TLE2: variants seen among roughly 807,000 people sequenced by gnomAD.
The protein encoded by TLE2 is TLE family member 2, transcriptional corepressor, also known as transducin-like enhancer protein 2.
In TLE2, 74 loss-of-function variants were observed where a neutral mutation model predicts 97.2. That is an observed-to-expected ratio of 0.76 (90% CI 0.63 to 0.92). The LOEUF (loss-of-function observed/expected upper bound fraction) is 0.92, where lower values mean the gene tolerates loss of function less well. TLE2 is among the 40% of genes least tolerant of loss of function. The pLI, the probability that TLE2 is intolerant of heterozygous loss-of-function variation, is 0.00. For synonymous variants in TLE2, 499 were observed against 432.1 expected (o/e 1.15, Z -1.92); for missense variants, 1,038 against 1,008.7 (o/e 1.03, Z -0.39).
At chr19:3,042,019 GGCCCGGCCCA>G (rs1287013916) in intron 1 of TLE2, among the ~76,000 whole-genome samples, 1 of 151,842 alleles carries the variant, frequency 6.6e-6, no homozygotes, top group Non-Finnish European at 1.5e-5. Context: ...TAGCCACGCG[GGCCCGGCCCA>G]GCGTGTTCCC....
chr19:3,039,016 C>T lies in TLE2; in HGVS notation c.63+6710G>A, dbSNP rs988525126. Among the ~76,000 whole-genome samples the T allele has an allele frequency of 4.7e-5, 7 of 150,126 alleles. 1 individual carries two copies. Among genetic ancestry groups the T allele is most frequent in the Admixed American group, 4.6e-4 (7 of 15,088 alleles). On this transcript the variant is annotated intron_variant, in intron 1 of 18. Transcript: ENST00000426948. The stretch of plus-strand genomic sequence containing the variant: ...TGAGATCGCACCATTGCACTCCAGC[C>T]TGGGCAACAAGAGCAAAACCACGAC...
rs1447121315 is a variant in TLE2 at position 3,019,410 on chromosome 19, G to T, written c.423C>A (p.Arg141=). 1.3e-6 allele frequency: 2 copies of T among 1,539,048 alleles called. No homozygotes were observed. The highest frequency in any genetic ancestry group is 2.0e-5 in the Admixed American group (1 of 51,248). ...CACTGCCGCCCACCAGCCCGGCTGG[G>T]CGGGGGGTGAGGGGCACAGGGGGTG... ...HHAPPVPLTP[R]PAGLVGGSAT... The change falls in exon 7 of 20, where the codon CGC becomes CGA. Residue 141 remains arginine (R), a synonymous_variant. Coordinates refer to ENST00000262953, the MANE Select transcript of TLE2 (RefSeq NM_003260.5). This position sits in a 1 kb window ranked among gnomAD's most constrained non-coding sequence, Gnocchi z 5.1.
intron 5 of TLE2, chr19:3,020,124 T>G: frequency 4.2e-6 from 1 of 240,180 alleles, no homozygotes; most frequent in Non-Finnish European, 8.2e-6. Context: ...TAATCCCAGC[T>G]ACTCAGGAGG....
Position 2,997,823 on chromosome 19 carries a change from C to A in TLE2, c.*25G>T. On this transcript the variant is annotated 3_prime_UTR_variant, in exon 20 of 20. Coordinates refer to ENST00000262953, the MANE Select transcript of TLE2 (RefSeq NM_003260.5). Reference sequence around the variant, plus strand: ...CTGATTCCCCTGGGAGTCTGGACTTCGGGTACAGGAAGGGGGGTCATGTCT... The same window carrying A: ...CTGATTCCCCTGGGAGTCTGGACTTAGGGTACAGGAAGGGGGGTCATGTCT... The A allele has an allele frequency of 1.3e-6, 2 of 1,545,450 alleles. No individual in the cohort carries two copies. Among genetic ancestry groups the A allele is most frequent in the Non-Finnish European group, 1.8e-6 (2 of 1,129,584 alleles).
Position 3,037,575 on chromosome 19 carries a change from C to T in TLE2, c.63+8151G>A, listed in dbSNP as rs549122401. On this transcript the variant is annotated intron_variant, in intron 1 of 18. Transcript: ENST00000426948. ...TAGAAGGCCCCTGTGCCTACTTTCG[C>T]ATGGGTCCTGAAGTCACAGTGGGTT... Among the ~76,000 whole-genome samples, 16 of 152,280 alleles carry T rather than the reference C, an allele frequency of 1.1e-4. No individual in the cohort carries two copies. In the South Asian group the frequency reaches 3.1e-3, roughly 30 times the overall value.
intron 5 of TLE2, among the ~76,000 whole-genome samples, chr19:3,022,067 A>G (rs60002684): frequency 0.32 from 47,794 of 150,530 alleles, 8,417 homozygotes; most frequent in Non-Finnish European, 0.4. Context: ...ATACTTATTT[A>G]AGCCGGAGTC....
chr19:3,043,506 C>T (rs1263329031), intron 1 of TLE2, among the ~76,000 whole-genome samples: 1 of 151,054 alleles, frequency 6.6e-6, no homozygotes, highest in Admixed American at 6.7e-5. Context: ...TATCAGAAAA[C>T]ATCTACCTGG....
intron 1 of TLE2, among the ~76,000 whole-genome samples, chr19:3,034,876 TC>T (rs966958119): frequency 6.6e-5 from 10 of 151,978 alleles, no homozygotes; most frequent in Non-Finnish European, 1.5e-4. Context: ...ACACGTACCC[TC>T]CCAGGGTCAC....
chr19:3,000,414 G>C (rs2089330569), intron 19 of TLE2, among the ~76,000 whole-genome samples: 1 of 152,072 alleles, frequency 6.6e-6, no homozygotes, highest in Admixed American at 6.6e-5. Context: ...GCATGTTACT[G>C]CAACTAAATT....
chr19:3,035,936 C>A (rs990679482), intron 1 of TLE2, among the ~76,000 whole-genome samples: 2 of 152,170 alleles, frequency 1.3e-5, no homozygotes, highest in Non-Finnish European at 2.9e-5. Context: ...GCGAGTCACC[C>A]CCAAGCCTGG....
intron 5 of TLE2, among the ~76,000 whole-genome samples, chr19:3,022,071 C>T (rs1218291618): frequency 4.6e-5 from 7 of 151,344 alleles, no homozygotes; most frequent in South Asian, 2.1e-4. Context: ...TTATTTAAGC[C>T]GGAGTCTCAC....
In TLE2 at chr19:3,017,961, G is replaced by A. The variant is rs306030; in HGVS notation, c.551-102C>T. 0.016 allele frequency: 16,629 copies of A among 1,059,252 alleles called. 1,839 individuals are homozygous for A. The African/African-American group carries it at 0.25, about 16-fold the overall frequency. 65.6% of individuals were successfully genotyped at this position (1,059,252 alleles called of 1,614,324 possible). On this transcript the variant is annotated intron_variant, in intron 7 of 19. Coordinates refer to ENST00000262953, the MANE Select transcript of TLE2 (RefSeq NM_003260.5). ...AGCCCTCCAGTTTATAAAGCCCCCCGCCCCCACCACCCCACTCAGAGTCTC... is the reference window on the plus strand; with the variant it reads ...AGCCCTCCAGTTTATAAAGCCCCCCACCCCCACCACCCCACTCAGAGTCTC...
intron 8 of TLE2, among the ~76,000 whole-genome samples, chr19:3,016,879 C>T (rs71339157): frequency 0.057 from 8,411 of 148,766 alleles, 306 homozygotes; most frequent in South Asian, 0.093. Context: ...CCCGGGTTCA[C>T]GCCATTCTTC....
chr19:3,036,110 C>T (rs907337278), intron 1 of TLE2, among the ~76,000 whole-genome samples: 1 of 152,088 alleles, frequency 6.6e-6, no homozygotes, highest in African/African-American at 2.4e-5. Flanking sequence ...CTTACCCGAG[C>T]CTGGGGGCTC....
chr19:3,016,032 G>T, intron 8 of TLE2: 1 of 531,524 alleles, frequency 1.9e-6, no homozygotes, highest in Non-Finnish European at 3.6e-6. Context: ...CGCCTCCCGG[G>T]TTCAAGCGAT....
At chr19:3,047,286 G>T (rs1443034764), upstream of TLE2, among the ~76,000 whole-genome samples, 1 of 146,246 alleles carries the variant, frequency 6.8e-6, no homozygotes, top group Non-Finnish European at 1.5e-5. Context: ...GCCGCGGCGG[G>T]GAGGGGGCTC....
chr19:2,998,290 T>TG (rs2089269788), intron 19 of TLE2, among the ~76,000 whole-genome samples: 3 of 148,162 alleles, frequency 2.0e-5, no homozygotes, highest in African/African-American at 7.6e-5. Flanking sequence ...TTTTTTTTTT[T>TG]TTTGTGAGAC....
intron 5 of TLE2, among the ~76,000 whole-genome samples, chr19:3,021,094 A>AC (rs2089829168): frequency 9.4e-6 from 1 of 106,898 alleles, no homozygotes; most frequent in Non-Finnish European, 1.9e-5. Context: ...GTCTCAAAAA[A>AC]AAAAAAAAAA....
chr19:3,019,967 C>A lies in TLE2; in HGVS notation c.295-194G>T. On this transcript the variant is annotated intron_variant, in intron 5 of 19. Coordinates refer to ENST00000262953, the MANE Select transcript of TLE2 (RefSeq NM_003260.5). The surrounding 1 kb of genome is among the most constrained non-coding windows in gnomAD (Gnocchi z 5.1). ...GAAATAAGCACACGGAGAAAGAAAC[C>A]AAACCTAAGTGCAGGTAGAATAGTT... 1.4e-6 allele frequency: 1 copy of A among 737,288 alleles called. No individual in the cohort carries two copies. Among genetic ancestry groups the A allele is most frequent in the Non-Finnish European group, 2.2e-6 (1 of 460,098 alleles). 45.7% of individuals were successfully genotyped at this position (737,288 alleles called of 1,614,324 possible).
Sources: gnomAD v4.1 joint callset for allele counts (sites outside exome capture counted in the v4.1 genomes callset) on GRCh38, gnomAD v4.1.1 for gene constraint, Gnocchi (gnomAD v3.1) non-coding constraint, MANE v1.5 for transcripts, NCBI Gene and HGNC (gene_info 2026-07-23, HGNC 2026-07-21) for gene names.